NOS1AP: variants seen among roughly 807,000 people sequenced by gnomAD.
The protein encoded by NOS1AP is nitric oxide synthase 1 adaptor protein, also known as carboxyl-terminal PDZ ligand of neuronal nitric oxide synthase protein.
NOS1AP carries 21 observed loss-of-function variants against 56.2 expected under a neutral mutation model. The observed-to-expected ratio is 0.37, with a 90% confidence interval of 0.26 to 0.54. The LOEUF (loss-of-function observed/expected upper bound fraction) is 0.54. Among genes scored for constraint, NOS1AP ranks in the 20% least tolerant of loss-of-function variants. The probability of loss-of-function intolerance (pLI) is 0.84; values close to 1 mark genes in which losing one functional copy is unlikely to be tolerated. For missense variants in NOS1AP, 522 were observed against 657.8 expected, an observed-to-expected ratio of 0.79 and a Z score of 2.26; for synonymous variants, 270 against 274.6, an observed-to-expected ratio of 0.98 and a Z score of 0.17.
chr1:162,344,811 T>G (rs1383626452), intron 6 of NOS1AP, among the ~76,000 whole-genome samples: 1 of 152,048 alleles, frequency 6.6e-6, no homozygotes, highest in Non-Finnish European at 1.5e-5. Context: ...ATTTTTAACA[T>G]GGGAAACCCA....
At chr1:162,095,239 G>A (rs1279652452) in intron 1 of NOS1AP, among the ~76,000 whole-genome samples, 2 of 152,172 alleles carry the variant, frequency 1.3e-5, no homozygotes, top group Non-Finnish European at 2.9e-5. Context: ...TGGGGCCTTT[G>A]GGAGGCAACT....
chr1:162,202,129 C>T (rs917905540), intron 2 of NOS1AP, among the ~76,000 whole-genome samples: 3 of 151,544 alleles, frequency 2.0e-5, no homozygotes, highest in South Asian at 2.1e-4. Context: ...CATTGGGAGT[C>T]GAAACTCTAG....
chr1:162,280,367 A>G (rs1481576359), intron 2 of NOS1AP, among the ~76,000 whole-genome samples: 1 of 152,256 alleles, frequency 6.6e-6, no homozygotes. Flanking sequence ...AATAGTACAT[A>G]TATGATTAAG....
chr1:162,150,628 A>G (rs768543140), intron 1 of NOS1AP, among the ~76,000 whole-genome samples: 4 of 152,106 alleles, frequency 2.6e-5, no homozygotes, highest in Non-Finnish European at 4.4e-5. Context: ...AGCATTTATT[A>G]TTGCCTGTCT....
chr1:162,204,130 T>A (rs1300276629), intron 2 of NOS1AP, among the ~76,000 whole-genome samples: 1 of 152,242 alleles, frequency 6.6e-6, no homozygotes, highest in African/African-American at 2.4e-5. Context: ...ATCCATGCTC[T>A]GGGGACAATA....
Position 162,278,681 on chromosome 1 carries a change from G to A in NOS1AP, c.178-8663G>A, listed in dbSNP as rs1016180979. Among the ~76,000 whole-genome samples the A allele has an allele frequency of 2.4e-3, 357 of 150,990 alleles. 2 individuals carry two copies. The highest frequency in any genetic ancestry group is 0.014 in the Middle Eastern group (4 of 292). Reference sequence around the variant, plus strand: ...TCCTTCTACGTGTGTGTGTGTGTGTGTGTGTGTGTGTGTGTGTGTGTGTGT... The same window carrying A: ...TCCTTCTACGTGTGTGTGTGTGTGTATGTGTGTGTGTGTGTGTGTGTGTGT... On this transcript the variant is annotated intron_variant, in intron 2 of 9. Transcript: ENST00000361897.
chr1:162,242,590 T>C (rs901598223), intron 2 of NOS1AP, among the ~76,000 whole-genome samples: 12 of 152,216 alleles, frequency 7.9e-5, no homozygotes, highest in African/African-American at 2.9e-4. Context: ...AACATCTTAC[T>C]GTAACTGCAC....
At chr1:162,152,155 G>A (rs1649740226) in intron 1 of NOS1AP, among the ~76,000 whole-genome samples, 1 of 152,210 alleles carries the variant, frequency 6.6e-6, no homozygotes. Context: ...ATAGGGATGG[G>A]TCCCATCTGG....
intron 9 of NOS1AP, 149 bp downstream of exon 9, chr1:162,365,718 G>A (rs2101831005): frequency 1.0e-6 from 1 of 960,940 alleles, no homozygotes; most frequent in Non-Finnish European, 1.6e-6. Flanking sequence ...TTTCCCATTA[G>A]TATACTTAAT....
intron 2 of NOS1AP, among the ~76,000 whole-genome samples, chr1:162,215,738 C>T (rs890123019): frequency 2.6e-5 from 4 of 152,138 alleles, no homozygotes; most frequent in Admixed American, 6.5e-5. Flanking sequence ...CCTGAGACCT[C>T]GGGCAGATGC....
At chr1:162,159,549 CT>C (rs910751728) in intron 2 of NOS1AP, among the ~76,000 whole-genome samples, 83 of 152,290 alleles carry the variant, frequency 5.5e-4, no homozygotes, top group Non-Finnish European at 9.3e-4. Flanking sequence ...TAGCTAGCGC[CT>C]TTTTTTCAGG....
chr1:162,136,136 T>G (rs748647020), intron 1 of NOS1AP, among the ~76,000 whole-genome samples: 16 of 152,154 alleles, frequency 1.1e-4, no homozygotes, highest in South Asian at 2.1e-4. Flanking sequence ...ACTGCTATGG[T>G]GTGGAGTAGT....
intron 2 of NOS1AP, among the ~76,000 whole-genome samples, chr1:162,210,604 T>C (rs1652318237): frequency 6.6e-6 from 1 of 152,198 alleles, no homozygotes; most frequent in Admixed American, 6.5e-5. Flanking sequence ...GGAGTTGCTG[T>C]TCCACTCTGT....
chr1:162,160,634 T>C (rs2102107883), intron 2 of NOS1AP, among the ~76,000 whole-genome samples: 1 of 152,266 alleles, frequency 6.6e-6, no homozygotes, highest in Middle Eastern at 3.4e-3. Context: ...GGAGTCACTT[T>C]ATCCCTTTTT....
chr1:162,279,874 T>A (rs1252363654), intron 2 of NOS1AP, among the ~76,000 whole-genome samples: 1 of 152,198 alleles, frequency 6.6e-6, no homozygotes, highest in Non-Finnish European at 1.5e-5. Flanking sequence ...AGATGTAGGT[T>A]CCAGATATGG....
chr1:162,290,473 TGA>T (rs1655253764), intron 3 of NOS1AP, among the ~76,000 whole-genome samples: 1 of 152,198 alleles, frequency 6.6e-6, no homozygotes, highest in African/African-American at 2.4e-5. Flanking sequence ...CTTATAGAAT[TGA>T]GAGAGGTGAG....
chr1:162,179,691 G>C (rs1416386079), intron 2 of NOS1AP, among the ~76,000 whole-genome samples: 1 of 152,196 alleles, frequency 6.6e-6, no homozygotes, highest in African/African-American at 2.4e-5. Context: ...GGATGAGTGG[G>C]GAGGGAAATC....
chr1:162,098,813 T>G (rs1214766068), intron 1 of NOS1AP, among the ~76,000 whole-genome samples: 3 of 152,194 alleles, frequency 2.0e-5, no homozygotes, highest in Admixed American at 2.0e-4. Flanking sequence ...GGCTTCAAAC[T>G]CCATTCATGT....
intron 1 of NOS1AP, among the ~76,000 whole-genome samples, chr1:162,132,584 A>G (rs1648800173): frequency 6.6e-6 from 1 of 152,266 alleles, no homozygotes; most frequent in African/African-American, 2.4e-5. Flanking sequence ...GATGATTATT[A>G]TTTAATGATA....
Sources: gnomAD v4.1 joint callset for allele counts (sites outside exome capture counted in the v4.1 genomes callset) on GRCh38, gnomAD v4.1.1 for gene constraint, MANE v1.5 for transcripts, NCBI Gene and HGNC (gene_info 2026-07-23, HGNC 2026-07-21) for gene names.